Variants in SH3RF3 observed in about 807,000 individuals in gnomAD.
SH3RF3 encodes E3 ubiquitin-protein ligase SH3RF3.
A neutral mutation model predicts 66.3 loss-of-function variants in SH3RF3; 29 were observed. The ratio of observed to expected loss-of-function variants is 0.44; its 90% CI spans 0.33 to 0.60. SH3RF3 has a LOEUF of 0.60. Ranked by LOEUF, SH3RF3 falls within the 20% of genes least tolerant of loss-of-function variation. SH3RF3 has a pLI of 0.04. For missense variants in SH3RF3, 1,194 were observed against 1,190.9 expected (o/e 1.00, Z -0.04); for synonymous variants, 583 against 532.0 (o/e 1.10, Z -1.32).
At chr2:109,371,868 C>A (rs2105684085) in intron 3 of SH3RF3, among the ~76,000 whole-genome samples, 187 bp downstream of exon 3, 1 of 152,324 alleles carries the variant, frequency 6.6e-6, no homozygotes, top group African/African-American at 2.4e-5. Context: ...GTGAGCACTG[C>A]CTTGGCCAGT....
chr2:109,433,219 A>G (rs1010668845), intron 6 of SH3RF3, among the ~76,000 whole-genome samples: 1 of 152,260 alleles, frequency 6.6e-6, no homozygotes, highest in East Asian at 1.9e-4. Flanking sequence ...GTGTGTCATC[A>G]TATATAGACG....
chr2:109,417,005 G>C (rs1676743770), intron 4 of SH3RF3, among the ~76,000 whole-genome samples: 1 of 152,162 alleles, frequency 6.6e-6, no homozygotes, highest in African/African-American at 2.4e-5. Context: ...TGGGGGCCCA[G>C]GGCCAGTTCC....
intron 1 of SH3RF3, among the ~76,000 whole-genome samples, chr2:109,135,474 A>G (rs1676794302): frequency 6.6e-6 from 1 of 152,194 alleles, no homozygotes; most frequent in South Asian, 2.1e-4. Context: ...GATAAATAGG[A>G]TAACGTATGT....
At chr2:109,283,569 T>C (rs1233191785) in intron 1 of SH3RF3, among the ~76,000 whole-genome samples, 1 of 151,872 alleles carries the variant, frequency 6.6e-6, no homozygotes, top group East Asian at 1.9e-4. Context: ...GTGAGCAGGA[T>C]GGGGGCACAC....
intron 1 of SH3RF3, among the ~76,000 whole-genome samples, chr2:109,171,265 T>G (rs1233052479): frequency 6.6e-6 from 1 of 152,254 alleles, no homozygotes; most frequent in Non-Finnish European, 1.5e-5. Flanking sequence ...TTGTTTTGGT[T>G]ATATATGTAG....
chr2:109,238,814 G>T (rs1239728640), intron 1 of SH3RF3, among the ~76,000 whole-genome samples: 5 of 152,132 alleles, frequency 3.3e-5, no homozygotes, highest in African/African-American at 1.2e-4. Flanking sequence ...CCGGCGAGGT[G>T]TGGTCTGCCC....
intron 8 of SH3RF3, among the ~76,000 whole-genome samples, chr2:109,486,438 C>T (rs551785182): frequency 5.3e-5 from 8 of 152,088 alleles, no homozygotes; most frequent in African/African-American, 1.7e-4. Flanking sequence ...ATTTATTTGA[C>T]AAAAATATAT....
chr2:109,267,230 G>T (rs1293499358), intron 1 of SH3RF3, among the ~76,000 whole-genome samples: 1 of 152,072 alleles, frequency 6.6e-6, no homozygotes, highest in Non-Finnish European at 1.5e-5. Context: ...CTCTGAATAG[G>T]AAGTGCATGT....
At chr2:109,201,499 C>T (rs553565849) in intron 1 of SH3RF3, among the ~76,000 whole-genome samples, 1 of 152,280 alleles carries the variant, frequency 6.6e-6, no homozygotes, top group African/African-American at 2.4e-5. Flanking sequence ...CCCTGGCTAC[C>T]CCAGGCCACC....
intron 8 of SH3RF3, among the ~76,000 whole-genome samples, chr2:109,466,947 A>C (rs181217693): frequency 1.4e-5 from 2 of 140,296 alleles, no homozygotes; most frequent in African/African-American, 5.9e-5. Flanking sequence ...GTGTGTGTCT[A>C]TATATCTGTG....
intron 1 of SH3RF3, among the ~76,000 whole-genome samples, chr2:109,297,695 C>T (rs953416188): frequency 1.3e-5 from 2 of 151,450 alleles, no homozygotes; most frequent in South Asian, 4.2e-4. Context: ...CCAATGCCCC[C>T]CATTCTGCCC....
intron 1 of SH3RF3, among the ~76,000 whole-genome samples, chr2:109,325,099 C>G (rs1574574508): frequency 6.6e-6 from 1 of 152,124 alleles, no homozygotes; most frequent in South Asian, 2.1e-4. Context: ...ATGGCTCTGA[C>G]AAGGCCCAAG....
rs187044913 is a variant in SH3RF3 at position 109,400,828 on chromosome 2, A to G, written c.1299+1885A>G. Among the ~76,000 whole-genome samples the G allele has an allele frequency of 2.6e-5, 4 of 152,318 alleles. No homozygotes were observed. In the East Asian group the frequency reaches 7.7e-4, roughly 29 times the overall value. On this transcript the variant is annotated intron_variant, in intron 4 of 9. Transcript: ENST00000309415. ...CCCCCATGGTTACCCCACTGCCTGG[A>G]TGCTCCCACAGCCTGTGCCTGGGAG...
At chr2:109,166,127 G>T (rs1025255961) in intron 1 of SH3RF3, among the ~76,000 whole-genome samples, 2 of 152,220 alleles carry the variant, frequency 1.3e-5, no homozygotes, top group African/African-American at 4.8e-5. Flanking sequence ...CAGGCACAAA[G>T]AAGTAGTGCA....
chr2:109,418,226 G>C (rs976972869), intron 4 of SH3RF3, among the ~76,000 whole-genome samples: 1 of 152,070 alleles, frequency 6.6e-6, no homozygotes, highest in African/African-American at 2.4e-5. Flanking sequence ...CTAGAGGAAG[G>C]GAGGAGACCC....
intron 1 of SH3RF3, among the ~76,000 whole-genome samples, chr2:109,255,132 G>C (rs935230219): frequency 1.3e-5 from 2 of 152,186 alleles, no homozygotes; most frequent in African/African-American, 4.8e-5. Context: ...TTGTGTGTGT[G>C]TGTCTGTGTG....
At chr2:109,413,067 C>T (rs1047358373) in intron 4 of SH3RF3, among the ~76,000 whole-genome samples, 3 of 152,176 alleles carry the variant, frequency 2.0e-5, no homozygotes, top group Non-Finnish European at 4.4e-5. Context: ...AGTGCTGCTG[C>T]GAAATCCTTA....
intron 1 of SH3RF3, among the ~76,000 whole-genome samples, chr2:109,317,730 C>T (rs773437605): frequency 5.3e-5 from 8 of 152,124 alleles, no homozygotes; most frequent in Non-Finnish European, 8.8e-5. Context: ...GTGTGGAGTG[C>T]GAGGGTGCCT....
intron 8 of SH3RF3, among the ~76,000 whole-genome samples, chr2:109,454,629 C>T (rs1377606867): frequency 6.6e-6 from 1 of 152,148 alleles, no homozygotes; most frequent in Non-Finnish European, 1.5e-5. Context: ...AATGATCAAT[C>T]CAGTGGATTG....
Sources: allele counts gnomAD v4.1 joint callset (sites outside exome capture counted in the v4.1 genomes callset), GRCh38; gene constraint gnomAD v4.1.1; transcripts MANE v1.5; gene names NCBI Gene and HGNC (gene_info 2026-07-23, HGNC 2026-07-21).